The following ABL2 variants were observed in gnomAD, a reference collection of about 807,000 sequenced individuals.
ABL2 encodes ABL proto-oncogene 2, non-receptor tyrosine kinase, also known as tyrosine-protein kinase ABL2.
A neutral mutation model predicts 107.7 loss-of-function variants in ABL2; 49 were observed. The observed-to-expected ratio is 0.45, with a 90% CI of 0.36 to 0.58. The LOEUF is 0.58. ABL2 is among the 20% of genes least tolerant of loss of function. ABL2 has a pLI of 0.00. For missense variants in ABL2, 1,245 were observed against 1,457.0 expected (o/e 0.85, Z 2.37); for synonymous variants, 549 against 548.6 (o/e 1.00, Z -0.01).
chr1:179,228,346 C>CA (rs11298096), intron 1 of ABL2, among the ~76,000 whole-genome samples: 53 of 150,030 alleles, frequency 3.5e-4, no homozygotes, highest in African/African-American at 1.2e-3. Flanking sequence ...GACTCTGTCT[C>CA]AAAAAAAACA....
chr1:179,106,481 T>C lies in ABL2; in HGVS notation c.*1237A>G, dbSNP rs906335494. On this transcript the variant is annotated 3_prime_UTR_variant, in exon 12 of 12. Coordinates refer to ENST00000502732, the MANE Select transcript of ABL2 (RefSeq NM_007314.4). ...AGATCTGTACAAATAAGCACAATGA[T>C]TGGGTGGGGGAGTAGGGAGGAATAT... 1.3e-5 allele frequency: 3 copies of C among 232,392 alleles called. No homozygotes were observed. The highest frequency in any genetic ancestry group is 6.1e-5 in the East Asian group (1 of 16,480). 14.4% of individuals were successfully genotyped at this position (232,392 alleles called of 1,614,324 possible).
In ABL2 at chr1:179,150,829, TTG is replaced by T. The variant is rs201325969; in HGVS notation, c.158-17457_158-17456del. On this transcript the variant is annotated intron_variant, in intron 1 of 11. Coordinates refer to ENST00000502732, the MANE Select transcript of ABL2 (RefSeq NM_007314.4). ...TCAACGGATTTGGTAAACTTCATTG[TTG>T]TCTTATTTTAAGAAATTGCCACAGC... Among the ~76,000 whole-genome samples, 116 of 150,348 alleles carry T rather than the reference TTG, an allele frequency of 7.7e-4. 2 individuals are homozygous for T. The East Asian group carries it at 0.022, about 29-fold the overall frequency.
intron 1 of ABL2, among the ~76,000 whole-genome samples, chr1:179,207,528 G>C (rs1303326552): frequency 6.6e-6 from 1 of 152,006 alleles, no homozygotes; most frequent in African/African-American, 2.4e-5. Context: ...AAAAAATAAT[G>C]TTTAAAAAAC....
chr1:179,161,678 T>A (rs1321089364), intron 1 of ABL2, among the ~76,000 whole-genome samples: 1 of 152,160 alleles, frequency 6.6e-6, no homozygotes, highest in Non-Finnish European at 1.5e-5. Flanking sequence ...GCTAATGTAC[T>A]CCAGCCTGGA....
intron 2 of ABL2, among the ~76,000 whole-genome samples, chr1:179,132,719 T>G (rs961216719): frequency 1.3e-5 from 2 of 151,596 alleles, no homozygotes; most frequent in Middle Eastern, 3.4e-3. Flanking sequence ...TTTCTGTATT[T>G]TTAGTAGAGA....
In ABL2 at chr1:179,103,607, T is replaced by C; in HGVS notation, c.*4111A>G. The C allele has an allele frequency of 4.5e-6, 1 of 221,858 alleles. No individual in the cohort carries two copies. The highest frequency in any genetic ancestry group is 9.0e-6 in the Non-Finnish European group (1 of 110,874). 13.7% of individuals were successfully genotyped at this position (221,858 alleles called of 1,614,324 possible). ...GAATGACCCCATTGAATTTTTTAAATGACTGAATTCTACTGAGTGCTTGCT... is the reference window on the plus strand; with the variant it reads ...GAATGACCCCATTGAATTTTTTAAACGACTGAATTCTACTGAGTGCTTGCT... On this transcript the variant is annotated 3_prime_UTR_variant, in exon 12 of 12. Coordinates refer to ENST00000502732, the MANE Select transcript of ABL2 (RefSeq NM_007314.4).
At chr1:179,116,367 T>C (rs1007842601) in intron 8 of ABL2, among the ~76,000 whole-genome samples, 2 of 152,056 alleles carry the variant, frequency 1.3e-5, no homozygotes, top group African/African-American at 2.4e-5. Flanking sequence ...AGAGCAAGGC[T>C]CTGTCTCAAA....
chr1:179,159,390 C>T lies in ABL2; in HGVS notation c.158-26016G>A, dbSNP rs1658922534. Among the ~76,000 whole-genome samples, 3 of 152,182 alleles carry T rather than the reference C, an allele frequency of 2.0e-5. No individual in the cohort carries two copies. In the South Asian group the frequency reaches 6.2e-4, roughly 32 times the overall value. On this transcript the variant is annotated intron_variant, in intron 1 of 11. Coordinates refer to ENST00000502732, the MANE Select transcript of ABL2 (RefSeq NM_007314.4). ...GCTTGCTGGTGAAGGAATAAGTAGT[C>T]CTACTCAACATATTGGCTCAAATAT...
chr1:179,109,271 G>T lies in ABL2; in HGVS notation c.1996C>A (p.Pro666Thr), dbSNP rs763563592. 5.6e-6 allele frequency: 9 copies of T among 1,614,124 alleles called. No homozygotes were observed. In the Admixed American group the frequency reaches 1.5e-4, roughly 27 times the overall value. ...FMKKRNAPTP[P>T]KRSSSFREME... ...TCTCGGAAGGAGCTGCTGCGTTTGGGGGGTGTAGGAGCATTTCTCTTCTTC... is the reference window on the plus strand; with the variant it reads ...TCTCGGAAGGAGCTGCTGCGTTTGGTGGGTGTAGGAGCATTTCTCTTCTTC... Residue 666 changes from proline (P) to threonine (T), a missense_variant, in exon 12 of 12, where the codon CCC becomes ACC. Coordinates refer to ENST00000502732, the MANE Select transcript of ABL2 (RefSeq NM_007314.4).
intron 1 of ABL2, among the ~76,000 whole-genome samples, chr1:179,140,697 G>A (rs189960917): frequency 3.3e-5 from 5 of 152,330 alleles, no homozygotes; most frequent in African/African-American, 1.2e-4. Flanking sequence ...AAACTCTAGA[G>A]TCTGGCAAGG....
chr1:179,215,480 T>G (rs1342891325), intron 1 of ABL2, among the ~76,000 whole-genome samples: 2 of 152,190 alleles, frequency 1.3e-5, no homozygotes, highest in Non-Finnish European at 2.9e-5. Flanking sequence ...ACGCCTGTAA[T>G]CCCAGCACTT....
chr1:179,224,254 A>G (rs1663069822), intron 1 of ABL2, among the ~76,000 whole-genome samples: 1 of 151,718 alleles, frequency 6.6e-6, no homozygotes, highest in Non-Finnish European at 1.5e-5. Context: ...AAACTTCATA[A>G]TGTAAGGGTT....
At position 179,154,048 on chromosome 1, in the gene ABL2, G is replaced by A. The variant is rs188584122; in HGVS notation, c.158-20674C>T. On this transcript the variant is annotated intron_variant, in intron 1 of 11. Coordinates refer to ENST00000502732, the MANE Select transcript of ABL2 (RefSeq NM_007314.4). Reference sequence around the variant, plus strand: ...AATTCACTCTATGAGTATATCCTATGAATCATACCTCTTAAATATCTCTCA... The same window carrying A: ...AATTCACTCTATGAGTATATCCTATAAATCATACCTCTTAAATATCTCTCA... 4.3e-3 allele frequency among the ~76,000 whole-genome samples: 653 copies of A among 152,170 alleles called. 3 individuals carry two copies. Among genetic ancestry groups the A allele is most frequent in the African/African-American group, 0.012 (512 of 41,498 alleles).
At chr1:179,202,603 G>A (rs1661735636) in intron 1 of ABL2, among the ~76,000 whole-genome samples, 1 of 152,218 alleles carries the variant, frequency 6.6e-6, no homozygotes, top group South Asian at 2.1e-4. Flanking sequence ...ACACTGGACT[G>A]TAAGTGAATC....
At chr1:179,130,065 G>C (rs1656139906) in intron 3 of ABL2, among the ~76,000 whole-genome samples, 2 of 152,136 alleles carry the variant, frequency 1.3e-5, no homozygotes. Context: ...TCAGCCTCCT[G>C]AGTAGCTAGG....
chr1:179,228,328 C>A (rs544735924), intron 1 of ABL2, among the ~76,000 whole-genome samples: 22 of 151,586 alleles, frequency 1.5e-4, no homozygotes, highest in African/African-American at 4.1e-4. Context: ...TCATGGGGAC[C>A]AAAGCGAGAC....
At position 179,215,926 on chromosome 1, in the gene ABL2, G is replaced by A. The variant is rs562490966; in HGVS notation, c.157+13315C>T. On this transcript the variant is annotated intron_variant, in intron 1 of 11. Transcript: ENST00000502732. The stretch of plus-strand genomic sequence containing the variant: ...TCAGTACTGTTTTTTTAATTTGCTG[G>A]AATTAGCACACAGAGAGAAACATGT... Among the ~76,000 whole-genome samples the A allele has an allele frequency of 1.9e-4, 29 of 152,130 alleles. No individual in the cohort carries two copies. In the South Asian group the frequency reaches 5.8e-3, roughly 30 times the overall value.
rs150598599 is a variant in ABL2 at position 179,222,033 on chromosome 1, CA to C, written c.157+7207del. On this transcript the variant is annotated intron_variant, in intron 1 of 11. Coordinates refer to ENST00000502732, the MANE Select transcript of ABL2 (RefSeq NM_007314.4). ...ATATAGAATCCATTCAGATGTCTGT[CA>C]ATTTGGATGTGTGATTGCAGCCCAC... 227 of 197,858 alleles carry C rather than the reference CA, an allele frequency of 1.1e-3. 1 individual carries two copies. Among genetic ancestry groups the C allele is most frequent in the African/African-American group, 5.1e-3 (218 of 42,362 alleles). The allele number at this position is 197,858 out of a possible 1,614,324, so 12.3% of individuals were successfully genotyped here.
chr1:179,229,370 C>T lies in ABL2; in HGVS notation c.28G>A (p.Glu10Lys). The T allele has an allele frequency of 6.4e-7, 1 of 1,567,958 alleles. No individual in the cohort carries two copies. The highest frequency in any genetic ancestry group is 8.6e-7 in the Non-Finnish European group (1 of 1,162,520). Residue 10 changes from glutamate (E) to lysine (K), a missense_variant, in exon 1 of 12, where the codon GAA becomes AAA. Coordinates refer to ENST00000502732, the MANE Select transcript of ABL2 (RefSeq NM_007314.4). ...TGAGGCTGCTGGAGCCCCGGAGCTT[C>T]CCCGACGCGGCCCACCTGCTGCCCC... The part of the protein sequence containing the change: MGQQVGRVG[E>K]APGLQQPQPR...
Sources: gnomAD v4.1 joint callset for allele counts (sites outside exome capture counted in the v4.1 genomes callset) on GRCh38, gnomAD v4.1.1 for gene constraint, MANE v1.5 for transcripts, NCBI Gene and HGNC (gene_info 2026-07-23, HGNC 2026-07-21) for gene names.